SHQ1: variants seen among roughly 807,000 people sequenced by gnomAD.
The protein encoded by SHQ1 is SHQ1, H/ACA ribonucleoprotein assembly factor, also known as protein SHQ1 homolog.
A neutral mutation model predicts 53.8 loss-of-function variants in SHQ1; 49 were observed. The ratio of observed to expected loss-of-function variants is 0.91; its 90% confidence interval spans 0.72 to 1.16. The LOEUF is 1.16. SHQ1 is among the 50% of genes most tolerant of loss of function. The pLI is 0.00. For missense variants in SHQ1, 738 were observed against 683.1 expected (o/e 1.08, Z -0.90); for synonymous variants, 243 against 251.0 (o/e 0.97, Z 0.30).
intron 10 of SHQ1, among the ~76,000 whole-genome samples, chr3:72,770,643 T>C (rs1055568039): frequency 1.3e-5 from 2 of 152,156 alleles, no homozygotes; most frequent in African/African-American, 2.4e-5. Context: ...AACTGTGATA[T>C]AGATGAATAC....
At chr3:72,838,890 T>A (rs1278402787) in intron 4 of SHQ1, among the ~76,000 whole-genome samples, 3 of 151,652 alleles carry the variant, frequency 2.0e-5, no homozygotes, top group African/African-American at 7.3e-5. Context: ...TTAACCTAAG[T>A]AATAGATGTC....
the SHQ1 span, among the ~76,000 whole-genome samples, chr3:72,725,715 G>T: frequency 6.6e-6 from 1 of 152,190 alleles, no homozygotes; most frequent in Non-Finnish European, 1.5e-5. Flanking sequence ...CTCAGTAGAT[G>T]CTTGTTGAAT....
At chr3:72,835,377 C>T (rs1348953895) in intron 4 of SHQ1, among the ~76,000 whole-genome samples, 1 of 152,138 alleles carries the variant, frequency 6.6e-6, no homozygotes, top group African/African-American at 2.4e-5. Context: ...TCTTCCACTG[C>T]TGCTCCCTGT....
chr3:72,740,672 G>A, the SHQ1 span, among the ~76,000 whole-genome samples: 10 of 152,330 alleles, frequency 6.6e-5, no homozygotes, highest in Middle Eastern at 3.4e-3. Context: ...GCCTCGGACT[G>A]ATGAAAGGGT....
chr3:72,812,916 G>C (rs1707171990), intron 8 of SHQ1, 122 bp from the exon 9 acceptor site: 1 of 995,488 alleles, frequency 1.0e-6, no homozygotes, highest in Non-Finnish European at 1.5e-6. Flanking sequence ...GTGAAGCCAA[G>C]TAGAAGAGAA....
chr3:72,800,813 TCCCTA>T (rs1057475648), intron 9 of SHQ1, among the ~76,000 whole-genome samples: 3 of 152,228 alleles, frequency 2.0e-5, no homozygotes, highest in African/African-American at 7.2e-5. Context: ...GTTTACTCCT[TCCCTA>T]ATTATATATT....
At chr3:72,740,643 A>C in the SHQ1 span, among the ~76,000 whole-genome samples, 2,106 of 152,302 alleles carry the variant, frequency 0.014, 40 homozygotes, top group African/African-American at 0.046. Flanking sequence ...GCACAGGCCT[A>C]ATGCTCAGGC....
chr3:72,847,191 T>A (rs1459600910), intron 1 of SHQ1, among the ~76,000 whole-genome samples: 2 of 152,176 alleles, frequency 1.3e-5, no homozygotes, highest in Non-Finnish European at 2.9e-5. Flanking sequence ...GAAAGTGCAA[T>A]AATTCAAATA....
downstream of SHQ1, among the ~76,000 whole-genome samples, chr3:72,748,341 A>G (rs75110008): frequency 1.5e-3 from 142 of 96,778 alleles, 4 homozygotes; most frequent in Non-Finnish European, 1.5e-3. Flanking sequence ...AAAAAAAAAA[A>G]AAAAAAAAAA....
intron 9 of SHQ1, among the ~76,000 whole-genome samples, chr3:72,801,397 C>T (rs1474774317): frequency 3.3e-5 from 5 of 151,914 alleles, no homozygotes; most frequent in African/African-American, 1.2e-4. Context: ...ACAGATACCA[C>T]TTAATAGAGT....
chr3:72,785,501 C>T lies in SHQ1; in HGVS notation c.1181+7415G>A, dbSNP rs749956862. Among the ~76,000 whole-genome samples, 3 of 152,226 alleles carry T rather than the reference C, an allele frequency of 2.0e-5. No individual in the cohort carries two copies. In the East Asian group the frequency reaches 5.8e-4, roughly 29 times the overall value. Reference sequence around the variant, plus strand: ...ATTAGTTAAGAATACTGGCAGGCTCCGGCACACAGACTAGAGAGATAGGAT... The same window carrying T: ...ATTAGTTAAGAATACTGGCAGGCTCTGGCACACAGACTAGAGAGATAGGAT... On this transcript the variant is annotated intron_variant, in intron 10 of 10. Coordinates refer to ENST00000325599, the MANE Select transcript of SHQ1 (RefSeq NM_018130.3).
intron 4 of SHQ1, among the ~76,000 whole-genome samples, chr3:72,836,823 A>T (rs1014963207): frequency 6.6e-6 from 1 of 152,240 alleles, no homozygotes; most frequent in African/African-American, 2.4e-5. Context: ...TGCTATGGCC[A>T]CTAGTTATTA....
intron 9 of SHQ1, among the ~76,000 whole-genome samples, chr3:72,798,590 G>A (rs1194528985): frequency 2.0e-5 from 3 of 152,230 alleles, no homozygotes; most frequent in Non-Finnish European, 4.4e-5. Flanking sequence ...GTGATTTCCT[G>A]TCTGGACAGA....
At chr3:72,799,509 C>A (rs746411678) in intron 9 of SHQ1, among the ~76,000 whole-genome samples, 29 of 152,100 alleles carry the variant, frequency 1.9e-4, no homozygotes, top group Non-Finnish European at 3.8e-4. Flanking sequence ...CAGGCCCTAT[C>A]GGGAAGTAGA....
intron 10 of SHQ1, among the ~76,000 whole-genome samples, chr3:72,781,906 T>G (rs970167977): frequency 6.6e-6 from 1 of 152,134 alleles, no homozygotes; most frequent in Non-Finnish European, 1.5e-5. Flanking sequence ...TCTATTACAG[T>G]TTTCCTATAC....
chr3:72,766,821 T>C (rs967617717), intron 10 of SHQ1, among the ~76,000 whole-genome samples: 3 of 152,192 alleles, frequency 2.0e-5, no homozygotes, highest in African/African-American at 7.2e-5. Flanking sequence ...GGAGGAAACC[T>C]GCTAGATAAC....
At chr3:72,798,151 A>G (rs997927691) in intron 9 of SHQ1, among the ~76,000 whole-genome samples, 1 of 152,250 alleles carries the variant, frequency 6.6e-6, no homozygotes, top group Admixed American at 6.5e-5. Flanking sequence ...GCACTGCAGG[A>G]AAGTGACCAT....
At chr3:72,789,827 G>A (rs571794360) in intron 10 of SHQ1, among the ~76,000 whole-genome samples, 1 of 152,174 alleles carries the variant, frequency 6.6e-6, no homozygotes, top group South Asian at 2.1e-4. Context: ...ACATCCATGA[G>A]AAAGACAGAT....
At chr3:72,736,504 G>T in the SHQ1 span, among the ~76,000 whole-genome samples, 1 of 151,650 alleles carries the variant, frequency 6.6e-6, no homozygotes, top group Non-Finnish European at 1.5e-5. Flanking sequence ...AAAATCCTCA[G>T]TTTGGGCTGG....
Sources: gnomAD v4.1 joint callset for allele counts (sites outside exome capture counted in the v4.1 genomes callset) on GRCh38, gnomAD v4.1.1 for gene constraint, MANE v1.5 for transcripts, NCBI Gene and HGNC (gene_info 2026-07-23, HGNC 2026-07-21) for gene names.